Variants in SORCS3 observed in about 807,000 individuals in gnomAD.
SORCS3 encodes sortilin related VPS10 domain containing receptor 3.
In SORCS3, 57 loss-of-function variants were observed where a neutral mutation model predicts 146.3. The observed-to-expected ratio is 0.39, with a 90% CI of 0.31 to 0.49. The LOEUF (loss-of-function observed/expected upper bound fraction) is 0.49, where lower values mean the gene tolerates loss of function less well. SORCS3 is among the 20% of genes least tolerant of loss of function. SORCS3 has a pLI of 0.92. For synonymous variants in SORCS3, 653 were observed against 618.5 expected (o/e 1.06, Z -0.83); for missense variants, 1,341 against 1,575.5 (o/e 0.85, Z 2.52).
chr10:105,251,421 C>T (rs757534282), intron 22 of SORCS3, among the ~76,000 whole-genome samples: 3 of 152,024 alleles, frequency 2.0e-5, no homozygotes, highest in Admixed American at 6.6e-5. Flanking sequence ...GGACACAAAG[C>T]GTAACCATAT....
In SORCS3 at chr10:105,247,343, TTG is replaced by T; in HGVS notation, c.3105+14_3105+15del. On this transcript the variant is annotated intron_variant, in intron 22 of 26. Transcript: ENST00000369701. ...GAGCTCTGGTTAAAGTAAGTTGGCT[TTG>T]TCTTTTTTTAAGTTCTTGTGAATAA... is the stretch of plus-strand genomic sequence containing the variant. 1 of 1,490,494 alleles carries T rather than the reference TTG, an allele frequency of 6.7e-7. No homozygotes were observed. The highest frequency in any genetic ancestry group is 9.3e-7 in the Non-Finnish European group (1 of 1,070,302). The allele number at this position is 1,490,494 out of a possible 1,614,324, so 92.3% of individuals were successfully genotyped here.
At chr10:104,682,412 A>T (rs12416536) in intron 1 of SORCS3, among the ~76,000 whole-genome samples, 10,975 of 152,274 alleles carry the variant, frequency 0.072, 524 homozygotes, top group Admixed American at 0.12. Context: ...CTTTCCTGTA[A>T]AAAGGGGTTA....
intron 3 of SORCS3, among the ~76,000 whole-genome samples, chr10:104,957,002 A>C (rs1294058171): frequency 6.6e-6 from 1 of 152,152 alleles, no homozygotes; most frequent in Admixed American, 6.5e-5. Context: ...CTCTGCTAAG[A>C]GAATATTCTC....
intron 1 of SORCS3, among the ~76,000 whole-genome samples, chr10:104,785,545 C>T (rs2017424290): frequency 7.5e-6 from 1 of 132,592 alleles, no homozygotes; most frequent in Non-Finnish European, 1.6e-5. Flanking sequence ...CCTGCCAAAT[C>T]CCCCTCTGTG....
intron 25 of SORCS3, among the ~76,000 whole-genome samples, chr10:105,261,513 T>C (rs2056960290): frequency 6.6e-6 from 1 of 152,208 alleles, no homozygotes; most frequent in Admixed American, 6.5e-5. Context: ...AGGAAGACTC[T>C]GGGTGATGCT....
chr10:104,931,338 A>C (rs6584641), intron 3 of SORCS3, among the ~76,000 whole-genome samples: 2 of 152,006 alleles, frequency 1.3e-5, no homozygotes, highest in South Asian at 2.1e-4. Flanking sequence ...GAAGACCCTG[A>C]CATTAGGGCG....
At chr10:104,803,717 C>T (rs112177242) in intron 1 of SORCS3, among the ~76,000 whole-genome samples, 1 of 152,226 alleles carries the variant, frequency 6.6e-6, no homozygotes, top group African/African-American at 2.4e-5. Flanking sequence ...ATGTGAGTCC[C>T]CAGGCTCATT....
rs111275796 is a variant in SORCS3 at position 105,224,422 on chromosome 10, T to C, written c.2868+1173T>C. Among the ~76,000 whole-genome samples the C allele has an allele frequency of 9.5e-4, 144 of 152,338 alleles. 2 individuals carry two copies. The highest frequency in any genetic ancestry group is 3.3e-3 in the African/African-American group (139 of 41,578). On this transcript the variant is annotated intron_variant, in intron 20 of 26. Transcript: ENST00000369701. ...TGTCTTTTCGTGTCTTGATAGCTCA[T>C]TTCTTTTCAGTGCTGAATAATATCC...
rs78659521 is a variant in SORCS3 at position 105,003,548 on chromosome 10, G to A, written c.954+26055G>A. ...TTTGTGTTGTGCAATTCGAAGTTATGTATAAATATTAGCTTATGCAACTGG... is the reference window on the plus strand; with the variant it reads ...TTTGTGTTGTGCAATTCGAAGTTATATATAAATATTAGCTTATGCAACTGG... On this transcript the variant is annotated intron_variant, in intron 4 of 26. Coordinates refer to ENST00000369701, the MANE Select transcript of SORCS3 (RefSeq NM_014978.3). Among the ~76,000 whole-genome samples the A allele has an allele frequency of 7.4e-3, 1,131 of 152,272 alleles. 37 individuals carry two copies. The East Asian group carries it at 0.12, about 16-fold the overall frequency.
At chr10:104,684,768 A>G (rs1376550539) in intron 1 of SORCS3, among the ~76,000 whole-genome samples, 1 of 138,396 alleles carries the variant, frequency 7.2e-6, no homozygotes, top group Non-Finnish European at 1.5e-5. Context: ...ATTGGTTGGA[A>G]AGTCCTCAGT....
chr10:104,689,578 C>G (rs1262240930), intron 1 of SORCS3, among the ~76,000 whole-genome samples: 1 of 152,088 alleles, frequency 6.6e-6, no homozygotes, highest in East Asian at 1.9e-4. Context: ...TCAGAGTAGC[C>G]CTCCCTGACT....
chr10:105,173,117 A>T (rs2056373075), intron 13 of SORCS3, among the ~76,000 whole-genome samples: 2 of 152,168 alleles, frequency 1.3e-5, no homozygotes. Flanking sequence ...AAAAGCATCA[A>T]TCTTGACATG....
At chr10:105,157,746 G>A (rs540028653) in intron 10 of SORCS3, among the ~76,000 whole-genome samples, 44 of 152,296 alleles carry the variant, frequency 2.9e-4, no homozygotes, top group African/African-American at 9.6e-4. Flanking sequence ...GATTCCTGTT[G>A]TATGGGATAT....
chr10:104,877,503 C>T (rs1190659560), intron 2 of SORCS3, among the ~76,000 whole-genome samples: 2 of 152,096 alleles, frequency 1.3e-5, no homozygotes, highest in Non-Finnish European at 2.9e-5. Flanking sequence ...TAATCCCTAC[C>T]CCAGTAATGT....
chr10:104,806,908 C>G (rs778397688), intron 1 of SORCS3, among the ~76,000 whole-genome samples: 1 of 152,016 alleles, frequency 6.6e-6, no homozygotes, highest in African/African-American at 2.4e-5. Context: ...GGGTGTTTGC[C>G]GTTTTAGGGT....
chr10:104,903,957 A>C (rs896750726), intron 2 of SORCS3, among the ~76,000 whole-genome samples: 9 of 152,246 alleles, frequency 5.9e-5, no homozygotes, highest in Non-Finnish European at 7.3e-5. Context: ...TTTTTTAAAT[A>C]AAATTATGTT....
rs35604992 is a variant in SORCS3, at chr10:105,003,998, C to CTTTTTTTT, written c.954+26506_954+26507insTTTTTTTT. Among the ~76,000 whole-genome samples the CTTTTTTTT allele has an allele frequency of 1.8e-4, 24 of 136,028 alleles. 1 individual carries two copies. The highest frequency in any genetic ancestry group is 4.5e-4 in the South Asian group (2 of 4,458). 89.2% of individuals were successfully genotyped at this position (136,028 alleles called of 152,430 possible). On this transcript the variant is annotated intron_variant, in intron 4 of 26. Transcript: ENST00000369701. ...TTCCCCTCCTTTTTTTCTCTTCTCTCTCTTTTTTTTTTTTTTACCAGAGAA... is the reference window on the plus strand; with the variant it reads ...TTCCCCTCCTTTTTTTCTCTTCTCTCTTTTTTTTTCTTTTTTTTTTTTTTACCAGAGAA...
chr10:104,889,270 A>C (rs915131986), intron 2 of SORCS3, among the ~76,000 whole-genome samples: 1 of 137,400 alleles, frequency 7.3e-6, no homozygotes, highest in Non-Finnish European at 1.5e-5. Flanking sequence ...TATTTGTGGT[A>C]GATTTCCTGT....
intron 20 of SORCS3, among the ~76,000 whole-genome samples, chr10:105,240,947 A>AT (rs1554889288): frequency 6.8e-4 from 98 of 143,616 alleles, no homozygotes; most frequent in East Asian, 2.1e-3. Flanking sequence ...CACTGAAAAA[A>AT]ATATATATAT....
Sources: gnomAD v4.1 joint callset for allele counts (sites outside exome capture counted in the v4.1 genomes callset) on GRCh38, gnomAD v4.1.1 for gene constraint, MANE v1.5 for transcripts, NCBI Gene and HGNC (gene_info 2026-07-23, HGNC 2026-07-21) for gene names.